Variants in SLC25A17 observed in about 807,000 individuals in gnomAD.
SLC25A17 encodes peroxisomal membrane protein PMP34.
A neutral mutation model predicts 38.5 loss-of-function variants in SLC25A17; 26 were observed. That is an observed-to-expected ratio of 0.68 (90% CI 0.50 to 0.94). SLC25A17 has a LOEUF of 0.94. Among genes scored for constraint, SLC25A17 ranks in the 40% least tolerant of loss-of-function variants. The pLI is 0.00. For missense variants in SLC25A17, 333 were observed against 372.7 expected (o/e 0.89, Z 0.88); for synonymous variants, 139 against 136.2 (o/e 1.02, Z -0.14).
In SLC25A17 at chr22:40,777,177, CAAG is replaced by C; in HGVS notation, c.598-45_598-43del. The C allele has an allele frequency of 6.2e-6, 10 of 1,613,730 alleles. 1 individual carries two copies. The highest frequency in any genetic ancestry group is 1.7e-4 in the Middle Eastern group (1 of 6,060). ...GAACAAACCATATCAATCAAGTCAA[CAAG>C]AAGGTGTCAGACAGAATTATTTTAC... is the stretch of plus-strand genomic sequence containing the variant. On this transcript the variant is annotated intron_variant, in intron 6 of 8. Coordinates refer to ENST00000435456, the MANE Select transcript of SLC25A17 (RefSeq NM_006358.4).
chr22:40,803,186 T>C (rs535836724), intron 1 of SLC25A17, among the ~76,000 whole-genome samples: 1 of 152,178 alleles, frequency 6.6e-6, no homozygotes, highest in Non-Finnish European at 1.5e-5. Context: ...CTTGAACTCC[T>C]GGGTTCAGGC....
rs199943597 is a variant in SLC25A17, at chr22:40,810,347, CTTTT to C, written c.54+8844_54+8847del. ...AATTCATAGCTATGCATTAAATATTCTTTTTTTTTTTTTTTTTGAGACAGAGTTT... is the reference window on the plus strand; with the variant it reads ...AATTCATAGCTATGCATTAAATATTCTTTTTTTTTTTTTGAGACAGAGTTT... On this transcript the variant is annotated intron_variant, in intron 1 of 8. Transcript: ENST00000435456. 4.4e-5 allele frequency among the ~76,000 whole-genome samples: 6 copies of C among 135,534 alleles called. No individual in the cohort carries two copies. In the East Asian group the frequency reaches 6.4e-4, roughly 14 times the overall value. The allele number at this position is 135,534 out of a possible 152,430, so 88.9% of individuals were successfully genotyped here.
Position 40,789,921 on chromosome 22 carries a change from G to T in SLC25A17, c.334+2604C>A, listed in dbSNP as rs900208156. Among the ~76,000 whole-genome samples, 1 of 151,516 alleles carries T rather than the reference G, an allele frequency of 6.6e-6. No individual in the cohort carries two copies. The highest frequency in any genetic ancestry group is 1.5e-5 in the Non-Finnish European group (1 of 67,854). ...CTCCCAAACTGCTGGGATTACAGGGGTGAGCCACCACACCTGGCCTTGGAC... is the reference window on the plus strand; with the variant it reads ...CTCCCAAACTGCTGGGATTACAGGGTTGAGCCACCACACCTGGCCTTGGAC... On this transcript the variant is annotated intron_variant, in intron 4 of 8. Transcript: ENST00000435456. The surrounding 1 kb of genome is among the most constrained non-coding windows in gnomAD (Gnocchi z 4.5).
At chr22:40,818,538 A>C (rs534313092) in intron 1 of SLC25A17, among the ~76,000 whole-genome samples, 26 of 97,932 alleles carry the variant, frequency 2.7e-4, no homozygotes, top group Admixed American at 2.3e-3. Flanking sequence ...GCCAGACCCC[A>C]AAAATTTTTT....
chr22:40,781,455 C>T (rs1209273140), intron 4 of SLC25A17, among the ~76,000 whole-genome samples: 1 of 152,034 alleles, frequency 6.6e-6, no homozygotes, highest in African/African-American at 2.4e-5. Context: ...CCGTGTTAGC[C>T]AGGATGGTCT....
chr22:40,784,238 A>C (rs2057317966), intron 4 of SLC25A17, among the ~76,000 whole-genome samples: 1 of 152,096 alleles, frequency 6.6e-6, no homozygotes, highest in African/African-American at 2.4e-5. Context: ...TGATGAACAA[A>C]CCATGATGAA....
intron 8 of SLC25A17, among the ~76,000 whole-genome samples, chr22:40,772,677 C>G (rs2057196743): frequency 6.6e-6 from 1 of 151,852 alleles, no homozygotes; most frequent in Non-Finnish European, 1.5e-5. Flanking sequence ...GCCTCTTTAG[C>G]CCAGGCTGGA....
At chr22:40,772,891 A>G (rs1179431099) in intron 8 of SLC25A17, among the ~76,000 whole-genome samples, 2 of 152,148 alleles carry the variant, frequency 1.3e-5, no homozygotes, top group Non-Finnish European at 2.9e-5. Flanking sequence ...CTCCTGTCTC[A>G]GCCTTCCAAA....
At chr22:40,818,704 C>G (rs183147952) in intron 1 of SLC25A17, among the ~76,000 whole-genome samples, 8 of 132,468 alleles carry the variant, frequency 6.0e-5, no homozygotes, top group African/African-American at 2.5e-4. Context: ...AGACCCTGTC[C>G]GGAAAAAAAA....
At chr22:40,776,180 G>T in intron 7 of SLC25A17, 2 of 328,110 alleles carry the variant, frequency 6.1e-6, no homozygotes, top group Non-Finnish European at 1.2e-5. Context: ...TATTTATTTT[G>T]CTTGTTTACC....
intron 1 of SLC25A17, among the ~76,000 whole-genome samples, chr22:40,810,480 T>C (rs1345788680): frequency 2.6e-5 from 4 of 152,012 alleles, no homozygotes; most frequent in Admixed American, 2.0e-4. Flanking sequence ...CCTGAGTAGC[T>C]GGGATTACAG....
At chr22:40,814,814 T>TG (rs2057621647) in intron 1 of SLC25A17, among the ~76,000 whole-genome samples, 1 of 148,886 alleles carries the variant, frequency 6.7e-6, no homozygotes, top group African/African-American at 2.5e-5. Context: ...GTTGTTTTGT[T>TG]TTGTTTTGGT....
chr22:40,818,600 G>A (rs4502527), intron 1 of SLC25A17, among the ~76,000 whole-genome samples: 15 of 151,582 alleles, frequency 9.9e-5, no homozygotes, highest in African/African-American at 2.9e-4. Flanking sequence ...CAGCTACTCA[G>A]GAAGCTGAGG....
intron 1 of SLC25A17, among the ~76,000 whole-genome samples, chr22:40,802,046 C>T (rs1426583404): frequency 6.6e-6 from 1 of 152,016 alleles, no homozygotes; most frequent in Non-Finnish European, 1.5e-5. Context: ...CCCGCCTCGG[C>T]CTCCCAAAAT....
At chr22:40,796,307 T>C (rs1384146766) in intron 2 of SLC25A17, among the ~76,000 whole-genome samples, 1 of 152,072 alleles carries the variant, frequency 6.6e-6, no homozygotes, top group Non-Finnish European at 1.5e-5. Context: ...TTGGTACCAG[T>C]ATGGCTTGTG....
At chr22:40,773,611 A>G (rs1463629184) in intron 8 of SLC25A17, among the ~76,000 whole-genome samples, 1 of 152,174 alleles carries the variant, frequency 6.6e-6, no homozygotes, top group Non-Finnish European at 1.5e-5. Flanking sequence ...GGCAGATGTT[A>G]TATTGCTAAG....
At chr22:40,775,181 C>T (rs2036880963) in intron 7 of SLC25A17, among the ~76,000 whole-genome samples, 2 of 152,196 alleles carry the variant, frequency 1.3e-5, no homozygotes, top group African/African-American at 4.8e-5. Context: ...ACATTCCTCA[C>T]CTACAGTTTC....
At chr22:40,803,075 G>T (rs1181440734) in intron 1 of SLC25A17, among the ~76,000 whole-genome samples, 1 of 152,128 alleles carries the variant, frequency 6.6e-6, no homozygotes, top group Non-Finnish European at 1.5e-5. Context: ...ATTGTTATTT[G>T]CTATCGTCAC....
chr22:40,792,419 C>A, intron 4 of SLC25A17, 106 bp downstream of exon 4: 41 of 809,560 alleles, frequency 5.1e-5, no homozygotes, highest in South Asian at 1.2e-4. Flanking sequence ...AGTTGGAAAA[C>A]TGGCTATATT....
Sources: gnomAD v4.1 joint callset for allele counts (sites outside exome capture counted in the v4.1 genomes callset) on GRCh38, gnomAD v4.1.1 for gene constraint, Gnocchi (gnomAD v3.1) non-coding constraint, MANE v1.5 for transcripts, NCBI Gene and HGNC (gene_info 2026-07-23, HGNC 2026-07-21) for gene names.